Variants in TMEM196 observed in about 807,000 individuals in gnomAD.
TMEM196 encodes the protein transmembrane protein 196.
A neutral mutation model predicts 20.0 loss-of-function variants in TMEM196; 17 were observed. The ratio of observed to expected loss-of-function variants is 0.85; its 90% CI spans 0.58 to 1.27. The LOEUF is 1.27. TMEM196 is among the 50% of genes most tolerant of loss of function. The pLI, the probability that TMEM196 is intolerant of heterozygous loss-of-function variation, is 0.00. For missense variants in TMEM196, 267 were observed against 223.0 expected, an observed-to-expected ratio of 1.20 and a Z score of -1.26; for synonymous variants, 113 against 88.9, an observed-to-expected ratio of 1.27 and a Z score of -1.52.
At chr7:19,729,505 T>C (rs1399596308) in intron 1 of TMEM196, 67 bp from the exon 2 acceptor site, 2 of 1,420,758 alleles carry the variant, frequency 1.4e-6, no homozygotes, top group Non-Finnish European at 1.9e-6. Flanking sequence ...TTTTAGCTTG[T>C]AGTTCACTCA....
At chr7:19,748,871 C>A (rs1315566185) in intron 1 of TMEM196, among the ~76,000 whole-genome samples, 1 of 151,946 alleles carries the variant, frequency 6.6e-6, no homozygotes, top group Admixed American at 6.6e-5. Flanking sequence ...AATTACTATT[C>A]CTTAAAATCA....
At chr7:19,754,999 A>G (rs1307632845) in intron 1 of TMEM196, among the ~76,000 whole-genome samples, 1 of 152,252 alleles carries the variant, frequency 6.6e-6, no homozygotes, top group Non-Finnish European at 1.5e-5. Context: ...TAATGGTAAT[A>G]TCACGTAACT....
chr7:19,750,247 G>C (rs541329423), intron 1 of TMEM196, among the ~76,000 whole-genome samples: 7 of 152,214 alleles, frequency 4.6e-5, no homozygotes, highest in Admixed American at 2.6e-4. Flanking sequence ...ACACACAAAA[G>C]ATAAGTATGC....
intron 3 of TMEM196, among the ~76,000 whole-genome samples, chr7:19,724,986 C>T (rs982339720): frequency 1.3e-5 from 2 of 152,164 alleles, no homozygotes; most frequent in Non-Finnish European, 2.9e-5. Flanking sequence ...GCAAAGCTCT[C>T]CAAATATGCA....
chr7:19,756,734 A>G (rs1458817736), intron 1 of TMEM196, among the ~76,000 whole-genome samples: 2 of 152,170 alleles, frequency 1.3e-5, no homozygotes, highest in Non-Finnish European at 2.9e-5. Flanking sequence ...TTTGCTGAGG[A>G]TAATGGCCTC....
chr7:19,748,351 A>G (rs1228053878), intron 1 of TMEM196, among the ~76,000 whole-genome samples: 1 of 151,612 alleles, frequency 6.6e-6, no homozygotes, highest in East Asian at 1.9e-4. Flanking sequence ...TAGAAGAGAC[A>G]TTATAATCAT....
intron 1 of TMEM196, among the ~76,000 whole-genome samples, chr7:19,770,782 C>T (rs1461365799): frequency 6.6e-6 from 1 of 152,116 alleles, no homozygotes; most frequent in Non-Finnish European, 1.5e-5. Context: ...TGTACATACA[C>T]ATCTAGATAA....
intron 4 of TMEM196, among the ~76,000 whole-genome samples, chr7:19,723,196 T>C (rs1006344660): frequency 3.3e-5 from 5 of 152,144 alleles, no homozygotes; most frequent in African/African-American, 1.2e-4. Flanking sequence ...GAGTTAAGTT[T>C]ATAGCTCAGA....
rs112621681 is a variant in TMEM196, at chr7:19,746,271, C to T, written c.148-16833G>A. On this transcript the variant is annotated intron_variant, in intron 1 of 4. Coordinates refer to ENST00000405844, the MANE Select transcript of TMEM196 (RefSeq NM_001363562.2). ...CATAACATAAATGAGGTCCGTTAAACGGGAAATGTTTAGGGAGTCAGTAAA... is the reference window on the plus strand; with the variant it reads ...CATAACATAAATGAGGTCCGTTAAATGGGAAATGTTTAGGGAGTCAGTAAA... Among the ~76,000 whole-genome samples the T allele has an allele frequency of 5.7e-3, 869 of 152,230 alleles. 6 individuals are homozygous for T. Among genetic ancestry groups the T allele is most frequent in the Non-Finnish European group, 8.0e-3 (546 of 68,002 alleles).
rs138324807 is a variant in TMEM196, at chr7:19,751,394, A to G, written c.147+21156T>C. On this transcript the variant is annotated intron_variant, in intron 1 of 4. Coordinates refer to ENST00000405844, the MANE Select transcript of TMEM196 (RefSeq NM_001363562.2). ...GCACTGCTCTTTAGAACCAAGGCTT[A>G]AAAGAAACCAATGGAGTATGACACA... 1.1e-3 allele frequency among the ~76,000 whole-genome samples: 164 copies of G among 152,354 alleles called. 4 individuals carry two copies. The highest frequency in any genetic ancestry group is 3.8e-3 in the African/African-American group (159 of 41,582).
chr7:19,757,901 T>A (rs949307823), intron 1 of TMEM196, among the ~76,000 whole-genome samples: 1 of 151,418 alleles, frequency 6.6e-6, no homozygotes, highest in African/African-American at 2.4e-5. Context: ...TTTAAACATA[T>A]AGGATGATTA....
intron 1 of TMEM196, among the ~76,000 whole-genome samples, chr7:19,762,913 G>C (rs1388891073): frequency 6.6e-6 from 1 of 152,190 alleles, no homozygotes; most frequent in East Asian, 1.9e-4. Context: ...AAGCTAGCCA[G>C]TTATGGAAAC....
At chr7:19,737,586 A>T (rs1056957047) in intron 1 of TMEM196, among the ~76,000 whole-genome samples, 1 of 152,058 alleles carries the variant, frequency 6.6e-6, no homozygotes, top group Admixed American at 6.6e-5. Context: ...ATATAAAAAA[A>T]GTGAGATACC....
At chr7:19,762,333 C>T (rs1330527266) in intron 1 of TMEM196, among the ~76,000 whole-genome samples, 1 of 151,802 alleles carries the variant, frequency 6.6e-6, no homozygotes, top group Non-Finnish European at 1.5e-5. Flanking sequence ...AAATTAAATT[C>T]ATATAAACCA....
chr7:19,762,508 G>T (rs1287019142), intron 1 of TMEM196, among the ~76,000 whole-genome samples: 2 of 152,022 alleles, frequency 1.3e-5, no homozygotes, highest in East Asian at 3.9e-4. Flanking sequence ...AATTTAATAA[G>T]TGTATTTATG....
chr7:19,740,588 CTATTTAAAAAA>C (rs1562614873), intron 1 of TMEM196, among the ~76,000 whole-genome samples: 1 of 152,080 alleles, frequency 6.6e-6, no homozygotes, highest in Non-Finnish European at 1.5e-5. Flanking sequence ...TTCTCCGTGG[CTATTTAAAAAA>C]TACTAACAAA....
chr7:19,729,064 G>T (rs981391906), intron 2 of TMEM196, among the ~76,000 whole-genome samples: 1 of 152,128 alleles, frequency 6.6e-6, no homozygotes, highest in South Asian at 2.1e-4. Context: ...CTTACTGAAG[G>T]ATTCAGGCGA....
rs1785263177 is a variant in TMEM196 at position 19,757,376 on chromosome 7, G to C, written c.147+15174C>G. On this transcript the variant is annotated intron_variant, in intron 1 of 4. Coordinates refer to ENST00000405844, the MANE Select transcript of TMEM196 (RefSeq NM_001363562.2). ...TTTTTTTTTTTGTATTTTTAGTTGA[G>C]ATGGGGTTTCACCAGTTGAGATGGG... Among the ~76,000 whole-genome samples, 3 of 118,200 alleles carry C rather than the reference G, an allele frequency of 2.5e-5. No homozygotes were observed. In the South Asian group the frequency reaches 8.0e-4, roughly 32 times the overall value. 77.5% of individuals were successfully genotyped at this position (118,200 alleles called of 152,430 possible).
intron 1 of TMEM196, among the ~76,000 whole-genome samples, chr7:19,734,576 A>G (rs985628684): frequency 3.9e-5 from 6 of 152,210 alleles, no homozygotes; most frequent in Admixed American, 1.3e-4. Context: ...TGACAGAAAC[A>G]AAGAGACAGG....
Sources: allele counts gnomAD v4.1 joint callset (sites outside exome capture counted in the v4.1 genomes callset), GRCh38; gene constraint gnomAD v4.1.1; transcripts MANE v1.5; gene names NCBI Gene and HGNC (gene_info 2026-07-23, HGNC 2026-07-21).